The following PRDM6 variants were observed in gnomAD, a reference collection of about 807,000 sequenced individuals.
PRDM6 encodes the protein putative histone-lysine N-methyltransferase PRDM6.
In PRDM6, 25 loss-of-function variants were observed where a neutral mutation model predicts 60.8. The ratio of observed to expected loss-of-function variants is 0.41; its 90% CI spans 0.30 to 0.57. The LOEUF (loss-of-function observed/expected upper bound fraction) is 0.57, where lower values mean the gene tolerates loss of function less well. PRDM6 is among the 20% of genes least tolerant of loss of function. The probability of loss-of-function intolerance (pLI) is 0.27; values close to 1 mark genes in which losing one functional copy is unlikely to be tolerated. For synonymous variants in PRDM6, 407 were observed against 357.4 expected, an observed-to-expected ratio of 1.14 and a Z score of -1.57; for missense variants, 839 against 821.3, an observed-to-expected ratio of 1.02 and a Z score of -0.26.
chr5:123,159,387 TA>T (rs1166055739), intron 4 of PRDM6, 126 bp from the exon 5 acceptor site: 1 of 1,059,498 alleles, frequency 9.4e-7, no homozygotes, highest in African/African-American at 1.6e-5. Context: ...CAGTTGGATG[TA>T]AATTTATTAC....
intron 2 of PRDM6, among the ~76,000 whole-genome samples, chr5:123,093,342 A>G (rs1277708122): frequency 6.6e-6 from 1 of 152,192 alleles, no homozygotes; most frequent in East Asian, 1.9e-4. Flanking sequence ...AATACATATC[A>G]TTGCTCTGTA....
chr5:123,156,928 A>G (rs1012777071), intron 4 of PRDM6, among the ~76,000 whole-genome samples: 3 of 152,180 alleles, frequency 2.0e-5, no homozygotes, highest in Non-Finnish European at 4.4e-5. Context: ...ATATGACCTC[A>G]GTTATAAACA....
At chr5:123,095,921 C>T (rs1031509011) in intron 2 of PRDM6, among the ~76,000 whole-genome samples, 1 of 152,136 alleles carries the variant, frequency 6.6e-6, no homozygotes, top group African/African-American at 2.4e-5. Context: ...CCGCCTTTAC[C>T]TTAAAATAGA....
chr5:123,117,753 G>T (rs1488795379), intron 3 of PRDM6, among the ~76,000 whole-genome samples: 1 of 131,638 alleles, frequency 7.6e-6, no homozygotes, highest in East Asian at 2.2e-4. Flanking sequence ...TGGGATGAAT[G>T]TGAAGGCCTA....
At chr5:123,166,958 C>T (rs1388875879) in intron 5 of PRDM6, among the ~76,000 whole-genome samples, 1 of 152,132 alleles carries the variant, frequency 6.6e-6, no homozygotes, top group East Asian at 1.9e-4. Context: ...TTTTAATAAC[C>T]CATCTCTGCA....
intron 3 of PRDM6, among the ~76,000 whole-genome samples, chr5:123,125,061 ATT>A (rs11345367): frequency 9.4e-5 from 13 of 138,300 alleles, no homozygotes; most frequent in African/African-American, 1.4e-4. Flanking sequence ...AACTTACAAC[ATT>A]TTTTTTTTTT....
At chr5:123,108,713 T>C (rs905996285) in intron 3 of PRDM6, among the ~76,000 whole-genome samples, 28 of 152,258 alleles carry the variant, frequency 1.8e-4, no homozygotes, top group Admixed American at 9.2e-4. Flanking sequence ...TTACAAATAA[T>C]GTGCTCATTG....
intron 3 of PRDM6, among the ~76,000 whole-genome samples, chr5:123,129,326 G>T (rs1459166456): frequency 6.6e-6 from 1 of 152,158 alleles, no homozygotes; most frequent in African/African-American, 2.4e-5. Context: ...GATGGGGATA[G>T]CATTGAATCT....
intron 3 of PRDM6, among the ~76,000 whole-genome samples, chr5:123,124,031 CAG>C (rs1181746697): frequency 6.6e-6 from 1 of 152,160 alleles, no homozygotes; most frequent in Non-Finnish European, 1.5e-5. Flanking sequence ...GCAGGGAAGA[CAG>C]GGTTCCTGCC....
intron 6 of PRDM6, among the ~76,000 whole-genome samples, chr5:123,173,080 A>G (rs1765930880): frequency 6.6e-6 from 1 of 151,958 alleles, no homozygotes. Context: ...AGTCCCAGCT[A>G]CTTGGGACGC....
chr5:123,164,933 G>A (rs1183941274), intron 5 of PRDM6, among the ~76,000 whole-genome samples: 2 of 152,092 alleles, frequency 1.3e-5, no homozygotes, highest in Non-Finnish European at 2.9e-5. Context: ...GGTGTATAAA[G>A]GACTGTTCCC....
At chr5:123,158,572 A>G (rs1454039843) in intron 4 of PRDM6, among the ~76,000 whole-genome samples, 1 of 152,200 alleles carries the variant, frequency 6.6e-6, no homozygotes, top group Non-Finnish European at 1.5e-5. Flanking sequence ...TTATGATCCT[A>G]TTGCCAAGAG....
At position 123,090,212 on chromosome 5, in the gene PRDM6, G is replaced by A. The variant is rs1050281292; in HGVS notation, c.198G>A (p.Pro66=). The A allele has an allele frequency of 3.4e-6, 5 of 1,479,838 alleles. No individual in the cohort carries two copies. Among genetic ancestry groups the A allele is most frequent in the African/African-American group, 2.9e-5 (2 of 68,040 alleles). The allele number at this position is 1,479,838 out of a possible 1,614,324, so 91.7% of individuals were successfully genotyped here. The change falls in exon 2 of 8, where the codon CCG becomes CCA. Residue 66 remains proline (P), a synonymous_variant. Coordinates refer to ENST00000407847, the MANE Select transcript of PRDM6 (RefSeq NM_001136239.4). ...CCCCGGAGCGCGCTGAGCCTCCGCC[G>A]GACAGCCTGCGCCCGCGGCCCGCCT... ...PPPPERAEPP[P]DSLRPRPASL...
At position 123,090,465 on chromosome 5, in the gene PRDM6, G is replaced by T. The variant is rs1011528867; in HGVS notation, c.451G>T (p.Gly151Cys). 4 of 1,481,982 alleles carry T rather than the reference G, an allele frequency of 2.7e-6. No homozygotes were observed. Among genetic ancestry groups the T allele is most frequent in the Non-Finnish European group, 3.6e-6 (4 of 1,124,716 alleles). The allele number at this position is 1,481,982 out of a possible 1,614,324, so 91.8% of individuals were successfully genotyped here. ...CTCCGGCCCCGGGCCCGTCAAGTGC[G>T]GTGGTGGTGGCGGCGGCGGCGGGGA... is the stretch of plus-strand genomic sequence containing the variant. ...ATSGPGPVKC[G>C]GGGGGGGEGR... The change falls in exon 2 of 8, where the codon GGT becomes TGT. Residue 151 changes from glycine to cysteine, a missense_variant. Physicochemically the swap from Gly to Cys is radical, Grantham distance 159 (BLOSUM62 -3). Transcript: ENST00000407847.
intron 3 of PRDM6, among the ~76,000 whole-genome samples, chr5:123,101,563 AT>A (rs1407930672): frequency 6.6e-6 from 1 of 152,220 alleles, no homozygotes; most frequent in African/African-American, 2.4e-5. Flanking sequence ...GTCTGCCAAT[AT>A]TTTTCTAAGA....
At chr5:123,155,262 C>CTTTTTTT (rs759225954) in intron 3 of PRDM6, among the ~76,000 whole-genome samples, 4 of 92,734 alleles carry the variant, frequency 4.3e-5, no homozygotes, top group South Asian at 4.1e-4. Context: ...GAGGGTCTCT[C>CTTTTTTT]TTTTTTTTTT....
chr5:123,154,679 T>C (rs538473242), intron 3 of PRDM6, among the ~76,000 whole-genome samples: 3 of 152,226 alleles, frequency 2.0e-5, no homozygotes, highest in Admixed American at 1.3e-4. Flanking sequence ...ATGTAACCAG[T>C]GAGGCTCTCT....
intron 3 of PRDM6, among the ~76,000 whole-genome samples, chr5:123,126,087 C>T (rs1246883592): frequency 6.6e-6 from 1 of 152,136 alleles, no homozygotes; most frequent in Admixed American, 6.5e-5. Flanking sequence ...AACTCAATTA[C>T]TTACATTTTA....
At chr5:123,093,757 T>A (rs1003458810) in intron 2 of PRDM6, among the ~76,000 whole-genome samples, 13 of 152,202 alleles carry the variant, frequency 8.5e-5, no homozygotes, top group Non-Finnish European at 1.8e-4. Context: ...GCTGGTGCGT[T>A]GCCTGCTCTT....
Sources: allele counts gnomAD v4.1 joint callset (sites outside exome capture counted in the v4.1 genomes callset), GRCh38; gene constraint gnomAD v4.1.1; transcripts MANE v1.5; gene names NCBI Gene and HGNC (gene_info 2026-07-23, HGNC 2026-07-21).